MAT2A: variants seen among roughly 807,000 people sequenced by gnomAD.
The protein encoded by MAT2A is S-adenosylmethionine synthase isoform type-2.
A neutral mutation model predicts 43.9 loss-of-function variants in MAT2A; 3 were observed. The observed-to-expected ratio is 0.07, with a 90% CI of 0.03 to 0.18. The LOEUF is 0.18. MAT2A is among the 10% of genes least tolerant of loss of function. MAT2A has a pLI of 1.00. For missense variants in MAT2A, 204 were observed against 489.0 expected, an observed-to-expected ratio of 0.42 and a Z score of 5.50; for synonymous variants, 200 against 168.4, an observed-to-expected ratio of 1.19 and a Z score of -1.45.
At position 85,544,313 on chromosome 2, in the gene MAT2A, T is replaced by G. The variant is rs1354284705; in HGVS notation, c.*541T>G. 1 of 152,646 alleles carries G rather than the reference T, an allele frequency of 6.6e-6. No individual in the cohort carries two copies. The highest frequency in any genetic ancestry group is 1.5e-5 in the Non-Finnish European group (1 of 68,060). 9.5% of individuals were successfully genotyped at this position (152,646 alleles called of 1,614,324 possible). On this transcript the variant is annotated 3_prime_UTR_variant, in exon 9 of 9. Coordinates refer to ENST00000306434, the MANE Select transcript of MAT2A (RefSeq NM_005911.6). ...TTATGTAGCTCTTTGTCAGGGAGTG[T>G]TCCCTATCCAATCAATCTTGCATGT...
Position 85,541,340 on chromosome 2 carries a change from A to C in MAT2A, c.255A>C (p.Glu85Asp). ...AAVDYQKVVR[E>D]AVKHIGYDDS... is the part of the protein sequence containing the mutation. The stretch of plus-strand genomic sequence containing the variant: ...TTGACTACCAGAAAGTGGTTCGTGA[A>C]GCTGTTAAACACATTGGATATGATG... The change falls in exon 3 of 9, where the codon GAA (glutamate) becomes GAC (aspartate). Residue 85 changes from glutamate (E) to aspartate (D), a missense_variant. Physicochemically the swap from Glu to Asp is conservative, Grantham distance 45. Around this residue, in one of 6 missense-constraint regions of MAT2A, gnomAD observed 103 missense variants for 226.4 expected, o/e 0.45. Transcript: ENST00000306434. The C allele has an allele frequency of 1.2e-6, 2 of 1,613,950 alleles. No individual in the cohort carries two copies. The highest frequency in any genetic ancestry group is 1.7e-5 in the Admixed American group (1 of 60,026).
intron 8 of MAT2A, chr2:85,543,382 TG>T: frequency 2.4e-6 from 1 of 419,892 alleles, no homozygotes; most frequent in Non-Finnish European, 4.3e-6. Flanking sequence ...GGCGGGACCT[TG>T]GTAAGTATTG....
rs1395355837 is a variant in MAT2A at position 85,544,749 on chromosome 2, C to T, written c.*977C>T. ...TTTAACTTTGTTTTATTTTCAAAAC[C>T]AGGTCCAATGAGCTTTCTGAACAGC... On this transcript the variant is annotated 3_prime_UTR_variant, in exon 9 of 9. Coordinates refer to ENST00000306434, the MANE Select transcript of MAT2A (RefSeq NM_005911.6). The T allele has an allele frequency of 6.6e-6, 1 of 152,524 alleles. No individual in the cohort carries two copies. Among genetic ancestry groups the T allele is most frequent in the Non-Finnish European group, 1.5e-5 (1 of 68,028 alleles). 9.4% of individuals were successfully genotyped at this position (152,524 alleles called of 1,614,324 possible).
chr2:85,539,997 C>T (rs552398465), intron 1 of MAT2A: 1 of 152,474 alleles, frequency 6.6e-6, no homozygotes, highest in South Asian at 2.1e-4. Context: ...GCCTTGCCTC[C>T]AAGGTGACGG....
rs542611069 is a variant in MAT2A, at chr2:85,544,177, C to T, written c.*405C>T. On this transcript the variant is annotated 3_prime_UTR_variant, in exon 9 of 9. Coordinates refer to ENST00000306434, the MANE Select transcript of MAT2A (RefSeq NM_005911.6). ...AAAGTACTTGTAGTTCCACTTATAGCCTCTGTCTGGCAATGCCACAGCCCT... is the reference window on the plus strand; with the variant it reads ...AAAGTACTTGTAGTTCCACTTATAGTCTCTGTCTGGCAATGCCACAGCCCT... 9.6e-4 allele frequency: 151 copies of T among 157,084 alleles called. No homozygotes were observed. The highest frequency in any genetic ancestry group is 1.9e-3 in the Non-Finnish European group (133 of 70,906). The allele number at this position is 157,084 out of a possible 1,614,324, so 9.7% of individuals were successfully genotyped here.
chr2:85,543,479 CA>C (rs1248492479), intron 8 of MAT2A, 190 bp from the exon 9 acceptor site: 7 of 500,818 alleles, frequency 1.4e-5, no homozygotes, highest in African/African-American at 1.2e-4. Context: ...GACGGAAAAA[CA>C]ACTATAGTTA....
chr2:85,543,984 A>G lies in MAT2A; in HGVS notation c.*212A>G. ...GTCCCTAGGTGTTTTGTTCACCATTATAATGAATTTAGTGAGCATAGGTGA... is the reference window on the plus strand; with the variant it reads ...GTCCCTAGGTGTTTTGTTCACCATTGTAATGAATTTAGTGAGCATAGGTGA... On this transcript the variant is annotated 3_prime_UTR_variant, in exon 9 of 9. Transcript: ENST00000306434. 3 of 472,598 alleles carry G rather than the reference A, an allele frequency of 6.3e-6. No homozygotes were observed. The South Asian group carries it at 8.8e-5, about 14-fold the overall frequency. 29.3% of individuals were successfully genotyped at this position (472,598 alleles called of 1,614,324 possible).
At chr2:85,539,828 T>G in intron 1 of MAT2A, 1 of 157,484 alleles carries the variant, frequency 6.3e-6, no homozygotes, top group Non-Finnish European at 1.4e-5. Context: ...CCGCATGTGG[T>G]ATCTGGGCGA....
At position 85,541,667 on chromosome 2, in the gene MAT2A, C is replaced by A. The variant is rs777360811; in HGVS notation, c.327C>A (p.Ala109=). The A allele has an allele frequency of 3.7e-6, 6 of 1,612,840 alleles. No homozygotes were observed. The highest frequency in any genetic ancestry group is 5.1e-6 in the Non-Finnish European group (6 of 1,179,746). Residue 109 remains alanine, a synonymous_variant, in exon 4 of 9, where the codon GCC becomes GCA. Transcript: ENST00000306434. ...ACAAGACTTGTAACGTGCTGGTAGCCTTGGAGCAACAGTCACCAGATATTG... is the reference window on the plus strand; with the variant it reads ...ACAAGACTTGTAACGTGCTGGTAGCATTGGAGCAACAGTCACCAGATATTG... ...FDYKTCNVLV[A]LEQQSPDIAQ...
intron 7 of MAT2A, 24 bp from the exon 8 acceptor site, chr2:85,542,877 C>T (rs375162226): frequency 5.0e-6 from 8 of 1,605,542 alleles, no homozygotes; most frequent in Non-Finnish European, 6.8e-6. Flanking sequence ...ATCACTGATT[C>T]TTACGACATT....
intron 3 of MAT2A, 30 bp downstream of exon 3, chr2:85,541,407 T>C: frequency 3.1e-6 from 5 of 1,605,022 alleles, no homozygotes; most frequent in Non-Finnish European, 4.2e-6. Context: ...CTCATTTTTT[T>C]CTAGGTAACA....
At position 85,541,867 on chromosome 2, in the gene MAT2A, G is replaced by A. The variant is rs759964992; in HGVS notation, c.444G>A (p.Glu148=). 6 of 1,614,122 alleles carry A rather than the reference G, an allele frequency of 3.7e-6. No homozygotes were observed. Among genetic ancestry groups the A allele is most frequent in the Middle Eastern group, 1.6e-4 (1 of 6,084 alleles). Residue 148 remains glutamate, a synonymous_variant, in exon 5 of 9, where the codon GAG becomes GAA. Transcript: ENST00000306434. ...GCTATGCCACTGATGAAACTGAGGA[G>A]TGTATGCCTTTAACCATTGTCTTGG... ...MFGYATDETE[E]CMPLTIVLAH... is the part of the protein sequence containing the mutation.
rs755501285 is a variant in MAT2A at position 85,542,755 on chromosome 2, CTCT to C, written c.951+10_951+12del. ...CGGAGGGTTCTTGTTCAGGTATACA[CTCT>C]TTATATAACGAACGATTAAAAGTCA... On this transcript the variant is annotated intron_variant, in intron 7 of 8. Transcript: ENST00000306434. The C allele has an allele frequency of 6.3e-7, 1 of 1,597,196 alleles. No homozygotes were observed. Among genetic ancestry groups the C allele is most frequent in the South Asian group, 1.1e-5 (1 of 90,082 alleles).
chr2:85,540,674 ATTTT>A (rs1456476198), intron 1 of MAT2A, among the ~76,000 whole-genome samples: 2 of 152,208 alleles, frequency 1.3e-5, no homozygotes, highest in African/African-American at 4.8e-5. Flanking sequence ...GATAATTGCC[ATTTT>A]AGTCAGAAAA....
chr2:85,540,471 C>CT (rs1400042046), intron 1 of MAT2A, among the ~76,000 whole-genome samples: 1 of 152,154 alleles, frequency 6.6e-6, no homozygotes, highest in Non-Finnish European at 1.5e-5. Context: ...TGCAGTCTGG[C>CT]TTCCACATTA....
rs768833652 is a variant in MAT2A at position 85,541,753 on chromosome 2, G to C, written c.405+8G>C. On this transcript the variant is annotated splice_region_variant and intron_variant, in intron 4 of 8. Coordinates refer to ENST00000306434, the MANE Select transcript of MAT2A (RefSeq NM_005911.6). ...ATTGGTGCTGGAGACCAGGTATCTT[G>C]GTGTAGAGGCTGTTTTAATCTCTTC... is the stretch of plus-strand genomic sequence containing the variant. 6.2e-7 allele frequency: 1 copy of C among 1,613,804 alleles called. No homozygotes were observed. The highest frequency in any genetic ancestry group is 8.5e-7 in the Non-Finnish European group (1 of 1,179,698).
chr2:85,540,526 G>C (rs1691447905), intron 1 of MAT2A, among the ~76,000 whole-genome samples: 1 of 152,138 alleles, frequency 6.6e-6, no homozygotes, highest in African/African-American at 2.4e-5. Flanking sequence ...TCAGAAAAAC[G>C]AACTTGAATT....
At chr2:85,542,768 G>C (rs760713210) in intron 7 of MAT2A, 21 bp downstream of exon 7, 3 of 1,585,788 alleles carry the variant, frequency 1.9e-6, no homozygotes, top group Admixed American at 1.7e-5. Context: ...TTTATATAAC[G>C]AACGATTAAA....
At position 85,539,259 on chromosome 2, in the gene MAT2A, T is replaced by G; in HGVS notation, c.-29T>G. The G allele has an allele frequency of 1.3e-6, 2 of 1,563,942 alleles. No homozygotes were observed. The highest frequency in any genetic ancestry group is 8.7e-7 in the Non-Finnish European group (1 of 1,144,018). ...CTGCCGCCTCGCCGCTGCTCCTTCG[T>G]AAGGCCACTTCCGCACACCGACACC... On this transcript the variant is annotated 5_prime_UTR_variant, in exon 1 of 9. Coordinates refer to ENST00000306434, the MANE Select transcript of MAT2A (RefSeq NM_005911.6).
Sources: gnomAD v4.1 joint callset for allele counts (sites outside exome capture counted in the v4.1 genomes callset) on GRCh38, gnomAD v4.1.1 for gene constraint, gnomAD v4.1.1 regional missense constraint, MANE v1.5 for transcripts, NCBI Gene and HGNC (gene_info 2026-07-23, HGNC 2026-07-21) for gene names.